HMBOX1: variants seen among roughly 807,000 people sequenced by gnomAD.
HMBOX1 encodes the protein homeobox containing 1.
A neutral mutation model predicts 54.5 loss-of-function variants in HMBOX1; 14 were observed. The observed-to-expected ratio is 0.26, with a 90% CI of 0.17 to 0.40. The LOEUF is 0.40. Among genes scored for constraint, HMBOX1 ranks in the 10% least tolerant of loss-of-function variants. The pLI is 1.00. For synonymous variants in HMBOX1, 160 were observed against 181.0 expected (o/e 0.88, Z 0.93); for missense variants, 332 against 514.4 (o/e 0.65, Z 3.43).
intron 9 of HMBOX1, 125 bp downstream of exon 9, chr8:29,049,173 G>C: frequency 6.7e-7 from 1 of 1,494,730 alleles, no homozygotes; most frequent in Non-Finnish European, 9.1e-7. Flanking sequence ...CCTCCACTCT[G>C]CTCCTGTGTC....
At chr8:29,001,022 T>C (rs572924540) in intron 4 of HMBOX1, among the ~76,000 whole-genome samples, 3 of 152,326 alleles carry the variant, frequency 2.0e-5, no homozygotes, top group Non-Finnish European at 2.9e-5. Flanking sequence ...GTTGCTTTTA[T>C]GGAGGAGTAG....
Position 28,894,942 on chromosome 8 carries a change from C to CAA in HMBOX1, c.-58+4275_-58+4276dup, listed in dbSNP as rs575886185. 5.1e-5 allele frequency among the ~76,000 whole-genome samples: 6 copies of CAA among 116,722 alleles called. No homozygotes were observed. In the East Asian group the frequency reaches 1.2e-3, roughly 24 times the overall value. 76.6% of individuals were successfully genotyped at this position (116,722 alleles called of 152,430 possible). ...GGCTATAGTTTTTTTTTAACATTTG[C>CAA]AAAAAAAAAAAACAGTAACAATAGT... On this transcript the variant is annotated intron_variant, in intron 1 of 9. Transcript: ENST00000287701.
intron 1 of HMBOX1, among the ~76,000 whole-genome samples, chr8:28,914,483 A>G (rs1200194237): frequency 1.3e-5 from 2 of 152,154 alleles, no homozygotes; most frequent in Non-Finnish European, 2.9e-5. Context: ...ATCTTTTCCC[A>G]CTTTAAACTG....
In HMBOX1 at chr8:29,003,342, T is replaced by C. The variant is rs111277831; in HGVS notation, c.587-5730T>C. ...ATCGAATAATAGGTTCATGTTTTAA[T>C]AAATTATGGTATAGAATACCTTGTA... On this transcript the variant is annotated intron_variant, in intron 4 of 9. Transcript: ENST00000287701. Among the ~76,000 whole-genome samples the C allele has an allele frequency of 2.8e-3, 421 of 151,658 alleles. 4 individuals are homozygous for C. The highest frequency in any genetic ancestry group is 9.3e-3 in the African/African-American group (386 of 41,376).
intron 1 of HMBOX1, among the ~76,000 whole-genome samples, chr8:28,962,306 G>A (rs1416645333): frequency 6.6e-6 from 1 of 152,044 alleles, no homozygotes; most frequent in Non-Finnish European, 1.5e-5. Flanking sequence ...ATAATTCAGT[G>A]TCTTATGGTT....
At chr8:28,902,634 C>G (rs1687935447) in intron 1 of HMBOX1, among the ~76,000 whole-genome samples, 1 of 152,206 alleles carries the variant, frequency 6.6e-6, no homozygotes, top group Non-Finnish European at 1.5e-5. Context: ...AGCCAGACTT[C>G]TCACATAGTG....
At chr8:28,938,527 G>C (rs778457957) in intron 1 of HMBOX1, among the ~76,000 whole-genome samples, 3 of 152,010 alleles carry the variant, frequency 2.0e-5, no homozygotes, top group Non-Finnish European at 4.4e-5. Context: ...GTTCACTGCA[G>C]TCCCAAACTC....
chr8:29,028,616 G>A (rs1480314591), intron 6 of HMBOX1, among the ~76,000 whole-genome samples: 1 of 152,124 alleles, frequency 6.6e-6, no homozygotes, highest in Non-Finnish European at 1.5e-5. Flanking sequence ...CTGCAGTCTG[G>A]GTGTGGTTCA....
chr8:28,931,951 A>G (rs1029744020), intron 1 of HMBOX1, among the ~76,000 whole-genome samples: 1 of 152,182 alleles, frequency 6.6e-6, no homozygotes, highest in Non-Finnish European at 1.5e-5. Flanking sequence ...AACAATCTCT[A>G]CTTTGATAAG....
At chr8:28,909,834 G>A (rs1394244544) in intron 1 of HMBOX1, among the ~76,000 whole-genome samples, 7 of 151,934 alleles carry the variant, frequency 4.6e-5, no homozygotes, top group African/African-American at 2.4e-5. Context: ...AAAACACCAC[G>A]ACAATCCAAT....
At chr8:28,928,105 A>C (rs1818862679) in intron 1 of HMBOX1, among the ~76,000 whole-genome samples, 1 of 151,902 alleles carries the variant, frequency 6.6e-6, no homozygotes, top group Non-Finnish European at 1.5e-5. Context: ...ACTGAACTCC[A>C]GCCTGGTGAC....
At chr8:29,033,718 C>A (rs1803387689) in intron 6 of HMBOX1, among the ~76,000 whole-genome samples, 1 of 152,064 alleles carries the variant, frequency 6.6e-6, no homozygotes. Flanking sequence ...GTCCCCAAGC[C>A]AATTAAACAG....
rs1317480179 is a variant in HMBOX1 at position 28,970,615 on chromosome 8, A to G, written c.500+96A>G. 3 of 731,254 alleles carry G rather than the reference A, an allele frequency of 4.1e-6. No individual in the cohort carries two copies. The highest frequency in any genetic ancestry group is 2.5e-5 in the Admixed American group (1 of 40,520). The allele number at this position is 731,254 out of a possible 1,614,324, so 45.3% of individuals were successfully genotyped here. On this transcript the variant is annotated intron_variant, in intron 3 of 9. Transcript: ENST00000287701. This position sits in a 1 kb window ranked among gnomAD's most constrained non-coding sequence, Gnocchi z 4.3. Reference sequence around the variant, plus strand: ...GCGTTTCAGCTACTTAGCTATAAGAACTGTAACTTCCTCTAGCTATAAGAA... The same window carrying G: ...GCGTTTCAGCTACTTAGCTATAAGAGCTGTAACTTCCTCTAGCTATAAGAA...
At chr8:28,927,589 G>C (rs1425024051) in intron 1 of HMBOX1, among the ~76,000 whole-genome samples, 1 of 152,002 alleles carries the variant, frequency 6.6e-6, no homozygotes, top group African/African-American at 2.4e-5. Flanking sequence ...TCACTCCCTT[G>C]AGAATAACAC....
At chr8:28,932,058 A>G (rs1228487682) in intron 1 of HMBOX1, among the ~76,000 whole-genome samples, 1 of 152,252 alleles carries the variant, frequency 6.6e-6, no homozygotes, top group Non-Finnish European at 1.5e-5. Flanking sequence ...TAGGGGCTCA[A>G]GAAAGGTCTC....
chr8:28,925,366 T>C (rs571701618), intron 1 of HMBOX1, among the ~76,000 whole-genome samples: 17 of 152,340 alleles, frequency 1.1e-4, no homozygotes, highest in Non-Finnish European at 1.5e-4. Flanking sequence ...CTGTTTTGTT[T>C]TTTTTCTTCA....
chr8:28,955,123 ATTC>A (rs953800214), intron 1 of HMBOX1, among the ~76,000 whole-genome samples: 1 of 152,118 alleles, frequency 6.6e-6, no homozygotes, highest in African/African-American at 2.4e-5. Flanking sequence ...GATGGTAGGA[ATTC>A]TTATAATTTT....
At chr8:28,960,765 CTTTTTTTTTTTTTTTTTTTTTTTTTTTT>C (rs1162477676) in intron 1 of HMBOX1, among the ~76,000 whole-genome samples, 1 of 16,260 alleles carries the variant, frequency 6.2e-5, no homozygotes, top group Non-Finnish European at 1.3e-4. Flanking sequence ...TTTTCTTTTT[CTTTTTTTTTTTTTTTTTTTTTTTTTTTT>C]TTTTTTTTTT....
chr8:29,014,501 T>C (rs889432290), intron 5 of HMBOX1, among the ~76,000 whole-genome samples: 2 of 152,214 alleles, frequency 1.3e-5, no homozygotes, highest in African/African-American at 4.8e-5. Flanking sequence ...AAATCTGTTA[T>C]TAATAGAGTG....
Sources: allele counts gnomAD v4.1 joint callset (sites outside exome capture counted in the v4.1 genomes callset), GRCh38; gene constraint gnomAD v4.1.1; non-coding constraint Gnocchi (gnomAD v3.1); transcripts MANE v1.5; gene names NCBI Gene and HGNC (gene_info 2026-07-23, HGNC 2026-07-21).